The following ARHGAP44 variants were observed in gnomAD, a reference collection of about 807,000 sequenced individuals.
ARHGAP44 encodes the protein rho GTPase-activating protein 44.
In ARHGAP44, 43 loss-of-function variants were observed where a neutral mutation model predicts 106.8. The ratio of observed to expected loss-of-function variants is 0.40; its 90% CI spans 0.32 to 0.52. The LOEUF (loss-of-function observed/expected upper bound fraction) is 0.52, where lower values mean the gene tolerates loss of function less well. Among genes scored for constraint, ARHGAP44 ranks in the 20% least tolerant of loss-of-function variants. The pLI is 0.48. For synonymous variants in ARHGAP44, 439 were observed against 410.3 expected, an observed-to-expected ratio of 1.07 and a Z score of -0.85; for missense variants, 866 against 1,050.5, an observed-to-expected ratio of 0.82 and a Z score of 2.43.
In ARHGAP44 at chr17:12,944,194, G is replaced by A. The variant is rs1218857240; in HGVS notation, c.859G>A (p.Glu287Lys). 1.2e-6 allele frequency: 2 copies of A among 1,607,988 alleles called. No homozygotes were observed. Among genetic ancestry groups the A allele is most frequent in the African/African-American group, 1.3e-5 (1 of 74,832 alleles). The change falls in exon 10 of 21, where the codon GAG (glutamate) becomes AAG (lysine). Residue 287 changes from glutamate to lysine, a missense_variant and splice_region_variant. By Grantham distance (56) the Glu-to-Lys change is moderately conservative. Around this residue, in one of 2 missense-constraint regions of ARHGAP44, gnomAD observed 448 missense variants for 646.9 expected, o/e 0.69. Coordinates refer to ENST00000379672, the MANE Select transcript of ARHGAP44 (RefSeq NM_014859.6). The stretch of plus-strand genomic sequence containing the variant: ...GCTGCTTGAGTGTGGGATGCAGGAG[G>A]AGGTAGGTCTGAGCACAGCCACACG... Reference protein sequence around the residue: ...TMLLECGMQEEGLFRVAPSAS... With the variant: ...TMLLECGMQEKGLFRVAPSAS...
chr17:12,911,903 A>G, intron 4 of ARHGAP44, among the ~76,000 whole-genome samples: 1 of 152,244 alleles, frequency 6.6e-6, no homozygotes, highest in Non-Finnish European at 1.5e-5. Flanking sequence ...GAATCAGGTT[A>G]GTCCAAAAGG....
At chr17:12,936,620 G>A (rs975559546) in intron 7 of ARHGAP44, among the ~76,000 whole-genome samples, 2 of 152,238 alleles carry the variant, frequency 1.3e-5, no homozygotes, top group Admixed American at 6.5e-5. Context: ...TGGCTGCCAA[G>A]TTTGGGCAAT....
At chr17:12,985,533 C>G (rs2039937156) in intron 20 of ARHGAP44, 1 of 152,174 alleles carries the variant, frequency 6.6e-6, no homozygotes, top group Non-Finnish European at 1.5e-5. Flanking sequence ...AATTTAGAAA[C>G]AAAGACGGAG....
chr17:12,915,136 A>G (rs373343623), intron 4 of ARHGAP44, among the ~76,000 whole-genome samples: 1 of 152,152 alleles, frequency 6.6e-6, no homozygotes, highest in Non-Finnish European at 1.5e-5. Flanking sequence ...CCTCCCAGGT[A>G]CAAGTGATTC....
At chr17:12,932,920 C>A (rs2038443071) in intron 7 of ARHGAP44, among the ~76,000 whole-genome samples, 1 of 152,032 alleles carries the variant, frequency 6.6e-6, no homozygotes. Context: ...TAAGGTAGCC[C>A]CCACTCCTTT....
At chr17:12,797,472 G>T (rs2033958648) in intron 1 of ARHGAP44, among the ~76,000 whole-genome samples, 2 of 151,812 alleles carry the variant, frequency 1.3e-5, no homozygotes, top group South Asian at 2.1e-4. Context: ...GTTTTTTATT[G>T]TCTGTTGGTT....
At chr17:12,926,437 ATGTATATACAT>A (rs2038237507) in intron 6 of ARHGAP44, among the ~76,000 whole-genome samples, 2 of 144,016 alleles carry the variant, frequency 1.4e-5, no homozygotes, top group South Asian at 2.1e-4. Context: ...TATAATATAT[ATGTATATACAT>A]AATATATATA....
chr17:12,858,091 G>C (rs1270561366), intron 1 of ARHGAP44, among the ~76,000 whole-genome samples: 1 of 152,106 alleles, frequency 6.6e-6, no homozygotes, highest in East Asian at 1.9e-4. Context: ...GGAAGAACAG[G>C]ACTAAGTCTT....
chr17:12,870,236 G>C (rs2036371636), intron 1 of ARHGAP44, among the ~76,000 whole-genome samples: 1 of 151,878 alleles, frequency 6.6e-6, no homozygotes, highest in Non-Finnish European at 1.5e-5. Flanking sequence ...TTATTGTAGA[G>C]ACAGGGTCTC....
intron 1 of ARHGAP44, among the ~76,000 whole-genome samples, chr17:12,828,575 T>C (rs2034990100): frequency 6.6e-6 from 1 of 151,658 alleles, no homozygotes; most frequent in Non-Finnish European, 1.5e-5. Flanking sequence ...TTATGATATA[T>C]TTTAAAAATA....
At position 12,944,085 on chromosome 17, in the gene ARHGAP44, G is replaced by A. The variant is rs568299965; in HGVS notation, c.750G>A (p.Lys250=). ...IKAQQEAWVE[K]PSFGKPLEEH... ...TCCCCTCAGAGGCCTGGGTAGAGAA[G>A]CCTTCCTTCGGGAAGCCGCTGGAGG... The change falls in exon 10 of 21, where the codon AAG becomes AAA. Residue 250 remains lysine (K), a synonymous_variant. Transcript: ENST00000379672. 1.2e-6 allele frequency: 2 copies of A among 1,611,856 alleles called. No individual in the cohort carries two copies. Among genetic ancestry groups the A allele is most frequent in the East Asian group, 2.2e-5 (1 of 44,818 alleles).
At chr17:12,793,710 AC>A (rs748383698) in intron 1 of ARHGAP44, among the ~76,000 whole-genome samples, 88 of 147,044 alleles carry the variant, frequency 6.0e-4, no homozygotes, top group Middle Eastern at 3.5e-3. Context: ...TCCATCTCAC[AC>A]AAAAAAAAAA....
Position 12,949,277 on chromosome 17 carries a change from T to A in ARHGAP44, c.973+26T>A, listed in dbSNP as rs2038937382. ...GTGGGCACCTCTCAGCGCTCCTGTG[T>A]GCCATGGAGGCTCACAGGGAAGGGG... On this transcript the variant is annotated intron_variant, in intron 11 of 20. Coordinates refer to ENST00000379672, the MANE Select transcript of ARHGAP44 (RefSeq NM_014859.6). This position sits in a 1 kb window ranked among gnomAD's most constrained non-coding sequence, Gnocchi z 4.1. 3 of 1,542,862 alleles carry A rather than the reference T, an allele frequency of 1.9e-6. No homozygotes were observed. Among genetic ancestry groups the A allele is most frequent in the Admixed American group, 3.9e-5 (2 of 51,010 alleles).
At chr17:12,808,804 C>T (rs960092107) in intron 1 of ARHGAP44, among the ~76,000 whole-genome samples, 2 of 152,210 alleles carry the variant, frequency 1.3e-5, no homozygotes, top group Non-Finnish European at 2.9e-5. Context: ...GCTTGAATTT[C>T]TCCTCAGAAG....
chr17:12,845,594 C>G (rs1437591765), intron 1 of ARHGAP44, among the ~76,000 whole-genome samples: 2 of 152,032 alleles, frequency 1.3e-5, no homozygotes, highest in Non-Finnish European at 2.9e-5. Context: ...TCTTGCTTCT[C>G]ATTTTATTCT....
chr17:12,825,381 G>T (rs1460098530), intron 1 of ARHGAP44, among the ~76,000 whole-genome samples: 1 of 151,646 alleles, frequency 6.6e-6, no homozygotes, highest in Non-Finnish European at 1.5e-5. Flanking sequence ...CTGTATTAGG[G>T]TTCTTTAGAG....
chr17:12,849,246 G>C (rs937570686), intron 1 of ARHGAP44, among the ~76,000 whole-genome samples: 2 of 150,908 alleles, frequency 1.3e-5, no homozygotes, highest in Non-Finnish European at 2.9e-5. Flanking sequence ...CACACACACA[G>C]ATTTTTCATA....
intron 17 of ARHGAP44, 97 bp downstream of exon 17, chr17:12,973,416 C>T (rs368488313): frequency 7.3e-5 from 96 of 1,320,372 alleles, no homozygotes; most frequent in Non-Finnish European, 9.7e-5. Flanking sequence ...GAATGCGCCG[C>T]GTCTGGTTGC....
chr17:12,843,823 T>G (rs9911975), intron 1 of ARHGAP44, among the ~76,000 whole-genome samples: 34,451 of 150,762 alleles, frequency 0.23, 5,733 homozygotes, highest in African/African-American at 0.46. Context: ...GCCTGGCTAA[T>G]TTTTGTGTTT....
Sources: gnomAD v4.1 joint callset for allele counts (sites outside exome capture counted in the v4.1 genomes callset) on GRCh38, gnomAD v4.1.1 for gene constraint, gnomAD v4.1.1 regional missense constraint, Gnocchi (gnomAD v3.1) non-coding constraint, MANE v1.5 for transcripts, NCBI Gene and HGNC (gene_info 2026-07-23, HGNC 2026-07-21) for gene names.